The following EMCN variants were observed in gnomAD, a reference collection of about 807,000 sequenced individuals.
EMCN encodes MUC-14.
A neutral mutation model predicts 38.4 loss-of-function variants in EMCN; 37 were observed. That is an observed-to-expected ratio of 0.96 (90% confidence interval 0.74 to 1.27). The LOEUF is 1.27. EMCN is among the 50% of genes most tolerant of loss of function. The pLI is 0.00. For missense variants in EMCN, 318 were observed against 302.8 expected (o/e 1.05, Z -0.37); for synonymous variants, 95 against 100.8 (o/e 0.94, Z 0.35).
intron 5 of EMCN, among the ~76,000 whole-genome samples, chr4:100,440,781 A>G (rs773076849): frequency 2.0e-5 from 3 of 152,118 alleles, no homozygotes; most frequent in Middle Eastern, 6.3e-3. Flanking sequence ...TTGGGTTGAC[A>G]TCTAGCAGTG....
chr4:100,505,302 C>T (rs1378603345), intron 1 of EMCN, among the ~76,000 whole-genome samples: 2 of 152,136 alleles, frequency 1.3e-5, no homozygotes, highest in Admixed American at 1.3e-4. Flanking sequence ...TCTCTCATCT[C>T]CACACACGGG....
chr4:100,515,475 AT>A (rs1729727804), intron 1 of EMCN, among the ~76,000 whole-genome samples: 1 of 152,156 alleles, frequency 6.6e-6, no homozygotes, highest in Non-Finnish European at 1.5e-5. Flanking sequence ...ATGTAGAAAG[AT>A]TCCCTTGATT....
At chr4:100,442,922 T>G (rs1375415525) in intron 5 of EMCN, among the ~76,000 whole-genome samples, 3 of 152,238 alleles carry the variant, frequency 2.0e-5, no homozygotes, top group African/African-American at 7.2e-5. Flanking sequence ...CAATCTTGGC[T>G]CACTGAAATC....
chr4:100,412,210 T>C (rs954576539), intron 10 of EMCN, among the ~76,000 whole-genome samples: 1 of 152,154 alleles, frequency 6.6e-6, no homozygotes, highest in Non-Finnish European at 1.5e-5. Context: ...CGGAGAAATA[T>C]GCATTATTAT....
chr4:100,399,601 C>T lies in EMCN; in HGVS notation c.*40-1228G>A, dbSNP rs562694432. 2.2e-4 allele frequency among the ~76,000 whole-genome samples: 33 copies of T among 152,178 alleles called. No individual in the cohort carries two copies. The South Asian group carries it at 4.8e-3, about 22-fold the overall frequency. Reference sequence around the variant, plus strand: ...AGAGCATCTGTGGCTGCTAGGCAGTCGAGCACATGCCAGAGCATGGTATAG... The same window carrying T: ...AGAGCATCTGTGGCTGCTAGGCAGTTGAGCACATGCCAGAGCATGGTATAG... On this transcript the variant is annotated intron_variant, in intron 11 of 11. Coordinates refer to ENST00000296420, the MANE Select transcript of EMCN (RefSeq NM_016242.4).
intron 2 of EMCN, 139 bp downstream of exon 2, chr4:100,479,778 A>C: frequency 2.9e-6 from 2 of 698,480 alleles, no homozygotes; most frequent in East Asian, 3.5e-5. Flanking sequence ...ATAACACATA[A>C]TTTCAAAATC....
intron 1 of EMCN, among the ~76,000 whole-genome samples, chr4:100,495,208 T>C (rs1729180829): frequency 6.6e-6 from 1 of 152,052 alleles, no homozygotes; most frequent in Admixed American, 6.6e-5. Context: ...AGATGATATT[T>C]GAGTTACCTA....
At position 100,410,289 on chromosome 4, in the gene EMCN, T is replaced by C. The variant is rs1726515366; in HGVS notation, c.*32A>G. 1.2e-6 allele frequency: 2 copies of C among 1,605,922 alleles called. No homozygotes were observed. Among genetic ancestry groups the C allele is most frequent in the Non-Finnish European group, 1.7e-6 (2 of 1,172,754 alleles). On this transcript the variant is annotated 3_prime_UTR_variant, in exon 11 of 12. Coordinates refer to ENST00000296420, the MANE Select transcript of EMCN (RefSeq NM_016242.4). ...TGAAATTGGGAAACTTACGTAATTA[T>C]TGCCTAGGTGTGGAGAGAATTCCTC...
chr4:100,405,562 A>G (rs1229747153), intron 11 of EMCN, among the ~76,000 whole-genome samples: 1 of 152,128 alleles, frequency 6.6e-6, no homozygotes, highest in Non-Finnish European at 1.5e-5. Context: ...CATCTCAGGG[A>G]TGAAGCTTTC....
chr4:100,425,149 GCACACACACA>G (rs57293882), intron 5 of EMCN, among the ~76,000 whole-genome samples: 5 of 141,242 alleles, frequency 3.5e-5, no homozygotes, highest in African/African-American at 8.1e-5. Context: ...TCTGAATCCA[GCACACACACA>G]CACACACACA....
chr4:100,442,561 C>T lies in EMCN; in HGVS notation c.415+4972G>A, dbSNP rs866104269. ...CCATAAGTCTTGTAGGCTGTCTTCACTATTTTTTATTCTTTTTCCTCTGAT... is the reference window on the plus strand; with the variant it reads ...CCATAAGTCTTGTAGGCTGTCTTCATTATTTTTTATTCTTTTTCCTCTGAT... On this transcript the variant is annotated intron_variant, in intron 5 of 11. Transcript: ENST00000296420. 5.2e-4 allele frequency among the ~76,000 whole-genome samples: 79 copies of T among 151,722 alleles called. 1 individual carries two copies. Among genetic ancestry groups the T allele is most frequent in the Middle Eastern group, 3.4e-3 (1 of 294 alleles).
intron 1 of EMCN, among the ~76,000 whole-genome samples, chr4:100,514,597 A>G (rs572923275): frequency 1.7e-4 from 26 of 152,238 alleles, no homozygotes; most frequent in South Asian, 8.3e-4. Context: ...ATATGAGTCA[A>G]TATTTCTCAT....
chr4:100,404,826 T>C (rs781596906), intron 11 of EMCN, among the ~76,000 whole-genome samples: 17 of 152,166 alleles, frequency 1.1e-4, no homozygotes, highest in Non-Finnish European at 1.9e-4. Flanking sequence ...TTTAACAATA[T>C]TGATTCTTCC....
At chr4:100,433,301 T>A (rs1181832730) in intron 5 of EMCN, among the ~76,000 whole-genome samples, 1 of 152,218 alleles carries the variant, frequency 6.6e-6, no homozygotes, top group Non-Finnish European at 1.5e-5. Flanking sequence ...GTCTCATTAT[T>A]TTTTAGGACT....
chr4:100,515,262 A>G (rs1729723224), intron 1 of EMCN, among the ~76,000 whole-genome samples: 1 of 152,098 alleles, frequency 6.6e-6, no homozygotes, highest in South Asian at 2.1e-4. Context: ...CCTGAAAGTC[A>G]AAAGCTCATC....
chr4:100,414,339 G>T (rs1027365290), intron 10 of EMCN, among the ~76,000 whole-genome samples: 1 of 136,330 alleles, frequency 7.3e-6, no homozygotes, highest in Non-Finnish European at 1.5e-5. Flanking sequence ...ACATTAGGCT[G>T]CTTGAGCACT....
At chr4:100,440,776 T>C (rs1331853274) in intron 5 of EMCN, among the ~76,000 whole-genome samples, 1 of 152,124 alleles carries the variant, frequency 6.6e-6, no homozygotes, top group Non-Finnish European at 1.5e-5. Context: ...TTCCTTTGGG[T>C]TGACATCTAG....
chr4:100,455,626 AT>A (rs1335426432), intron 4 of EMCN, among the ~76,000 whole-genome samples: 6 of 150,538 alleles, frequency 4.0e-5, no homozygotes, highest in Non-Finnish European at 7.4e-5. Flanking sequence ...TTAATGTATA[AT>A]TTTTTTCAAT....
rs1417055895 is a variant in EMCN at position 100,397,855 on chromosome 4, T to A, written c.*558A>T. The A allele has an allele frequency of 6.6e-6, 1 of 152,080 alleles. No homozygotes were observed. The highest frequency in any genetic ancestry group is 1.5e-5 in the Non-Finnish European group (1 of 68,004). The allele number at this position is 152,080 out of a possible 1,614,324, so 9.4% of individuals were successfully genotyped here. A position where few individuals can be genotyped will look rare whatever the true frequency, so the allele number is the denominator to read the frequency against. ...GAGTATTGAGTACAGTAGTTATTTATTAAAAGTAACACGAAAGCAGGAATA... is the reference window on the plus strand; with the variant it reads ...GAGTATTGAGTACAGTAGTTATTTAATAAAAGTAACACGAAAGCAGGAATA... On this transcript the variant is annotated 3_prime_UTR_variant, in exon 12 of 12. Transcript: ENST00000296420.
Sources: allele counts gnomAD v4.1 joint callset (sites outside exome capture counted in the v4.1 genomes callset), GRCh38; gene constraint gnomAD v4.1.1; transcripts MANE v1.5; gene names NCBI Gene and HGNC (gene_info 2026-07-23, HGNC 2026-07-21).